Variants in CRYM observed in about 807,000 individuals in gnomAD.
CRYM encodes the protein crystallin mu.
A neutral mutation model predicts 32.9 loss-of-function variants in CRYM; 18 were observed. The observed-to-expected ratio is 0.55, with a 90% CI of 0.38 to 0.81. The LOEUF is 0.81. Among genes scored for constraint, CRYM ranks in the 30% least tolerant of loss-of-function variants. The probability of loss-of-function intolerance (pLI) is 0.00; values close to 1 mark genes in which losing one functional copy is unlikely to be tolerated. For synonymous variants in CRYM, 153 were observed against 152.4 expected (o/e 1.00, Z -0.03); for missense variants, 337 against 393.5 (o/e 0.86, Z 1.21).
At chr16:21,296,037 A>T (rs906220990) in intron 1 of CRYM, among the ~76,000 whole-genome samples, 3 of 152,246 alleles carry the variant, frequency 2.0e-5, no homozygotes, top group African/African-American at 4.8e-5. Flanking sequence ...AACAAATTAA[A>T]AGATTATAAT....
upstream of CRYM, chr16:21,278,551 T>G: frequency 6.4e-5 from 31 of 484,800 alleles, no homozygotes; most frequent in Middle Eastern, 5.8e-4. Flanking sequence ...TAATCAGCTG[T>G]AGCCACATTC....
At chr16:21,276,415 G>A (rs964066458) in intron 2 of CRYM, among the ~76,000 whole-genome samples, 18 of 152,270 alleles carry the variant, frequency 1.2e-4, no homozygotes, top group South Asian at 6.2e-4. Flanking sequence ...AGTGTTAAAC[G>A]GCCAGATTAT....
chr16:21,292,308 G>A (rs541506882), intron 1 of CRYM, among the ~76,000 whole-genome samples: 1 of 152,180 alleles, frequency 6.6e-6, no homozygotes, highest in East Asian at 1.9e-4. Context: ...TCATTTTCAA[G>A]GCAATACCAT....
chr16:21,302,665 G>C (rs1481526821), intron 1 of CRYM, among the ~76,000 whole-genome samples: 1 of 152,168 alleles, frequency 6.6e-6, no homozygotes, highest in Non-Finnish European at 1.5e-5. Flanking sequence ...GATTAGGCCA[G>C]CTGTGTTTGC....
At chr16:21,261,940 C>G in intron 6 of CRYM, 97 bp downstream of exon 6, 3 of 1,531,270 alleles carry the variant, frequency 2.0e-6, no homozygotes, top group East Asian at 2.3e-5. Flanking sequence ...TGGCTGAGGT[C>G]TGGAGCAGAC....
chr16:21,266,434 G>C (rs2093363843), intron 5 of CRYM, among the ~76,000 whole-genome samples: 1 of 152,204 alleles, frequency 6.6e-6, no homozygotes, highest in Admixed American at 6.5e-5. Context: ...ACCTGCAGTA[G>C]TATTAGATGT....
intron 1 of CRYM, among the ~76,000 whole-genome samples, chr16:21,288,648 A>C (rs2093411253): frequency 6.6e-6 from 1 of 152,014 alleles, no homozygotes; most frequent in Non-Finnish European, 1.5e-5. Context: ...CCTGCCTTCC[A>C]CCGGCTTTGG....
At chr16:21,296,388 A>G (rs939746630) in intron 1 of CRYM, among the ~76,000 whole-genome samples, 6 of 152,230 alleles carry the variant, frequency 3.9e-5, no homozygotes, top group African/African-American at 1.4e-4. Context: ...AAATAAGGCA[A>G]TATCAATTCA....
rs2093389656 is a variant in CRYM, at chr16:21,277,638, T to G, written c.171-54A>C. ...CCCTTCCCATCAATGCTGGGGTCTCTTAGAAAGTATCCATATACTTTCCTT... is the reference window on the plus strand; with the variant it reads ...CCCTTCCCATCAATGCTGGGGTCTCGTAGAAAGTATCCATATACTTTCCTT... On this transcript the variant is annotated intron_variant, in intron 1 of 7. Transcript: ENST00000572914. This position sits in a 1 kb window ranked among gnomAD's most constrained non-coding sequence, Gnocchi z 4.2. 6.3e-7 allele frequency: 1 copy of G among 1,599,454 alleles called. No homozygotes were observed. The highest frequency in any genetic ancestry group is 8.5e-7 in the Non-Finnish European group (1 of 1,171,184).
chr16:21,271,312 T>C (rs1473998781), intron 3 of CRYM, among the ~76,000 whole-genome samples: 1 of 152,186 alleles, frequency 6.6e-6, no homozygotes, highest in Non-Finnish European at 1.5e-5. Context: ...AGGAAAGACA[T>C]CACTTGGCCC....
At chr16:21,261,192 C>T (rs879100216) in intron 7 of CRYM, 62 bp downstream of exon 7, 26 of 1,279,246 alleles carry the variant, frequency 2.0e-5, no homozygotes, top group Middle Eastern at 4.4e-4. Context: ...GCTCTTTCCA[C>T]CAATGGGTGA....
At position 21,294,055 on chromosome 16, in the gene CRYM, C is replaced by A. The variant is rs936849478; in HGVS notation, c.-193+8923G>T. On this transcript the variant is annotated intron_variant, in intron 1 of 9. Transcript: ENST00000219599. ...AATACGCATAACTTCTCATTACCAT[C>A]TCACAAAAGCTTCAAAAATTAGCAG... 4.6e-5 allele frequency among the ~76,000 whole-genome samples: 7 copies of A among 152,338 alleles called. No individual in the cohort carries two copies. The South Asian group carries it at 1.5e-3, about 32-fold the overall frequency.
chr16:21,296,763 C>A (rs1429714148), intron 1 of CRYM, among the ~76,000 whole-genome samples: 1 of 152,210 alleles, frequency 6.6e-6, no homozygotes, highest in Non-Finnish European at 1.5e-5. Flanking sequence ...GTAATCCCAG[C>A]ACTTTGGGAG....
chr16:21,280,657 C>A (rs1011040508), upstream of CRYM, among the ~76,000 whole-genome samples: 3 of 152,142 alleles, frequency 2.0e-5, no homozygotes, highest in Admixed American at 1.3e-4. Flanking sequence ...TAAGGCCATG[C>A]CAGGAAGGGT....
chr16:21,284,288 G>A (rs2093403785), intron 1 of CRYM, among the ~76,000 whole-genome samples: 1 of 151,970 alleles, frequency 6.6e-6, no homozygotes, highest in South Asian at 2.1e-4. Flanking sequence ...CACTTCATCG[G>A]GCTTTTCTTT....
chr16:21,302,400 T>G (rs1312558606), intron 1 of CRYM, among the ~76,000 whole-genome samples: 1 of 152,172 alleles, frequency 6.6e-6, no homozygotes, highest in Non-Finnish European at 1.5e-5. Context: ...GGAAGTTCAG[T>G]GATTATAGGT....
At position 21,286,401 on chromosome 16, in the gene CRYM, T is replaced by C. The variant is rs530315252; in HGVS notation, c.-192-7441A>G. On this transcript the variant is annotated intron_variant, in intron 1 of 9. Coordinates refer to the CRYM transcript ENST00000219599. ...CCCAGCTAATTTTTTTTTTTTTTTT[T>C]TGTATTTTTAGTAGAGGATTTTGCC... is the stretch of plus-strand genomic sequence containing the variant. Among the ~76,000 whole-genome samples the C allele has an allele frequency of 2.9e-4, 44 of 151,420 alleles. 1 individual carries two copies. The East Asian group carries it at 3.5e-3, about 12-fold the overall frequency.
chr16:21,270,575 C>T (rs2093373400), intron 3 of CRYM, among the ~76,000 whole-genome samples: 1 of 152,190 alleles, frequency 6.6e-6, no homozygotes, highest in African/African-American at 2.4e-5. Flanking sequence ...TGAGCCACCG[C>T]ACCTAGCCAG....
rs78761312 is a variant in CRYM at position 21,267,452 on chromosome 16, A to C, written c.673+102T>G. 2,294 of 1,236,686 alleles carry C rather than the reference A, an allele frequency of 1.9e-3. 36 individuals are homozygous for C. The African/African-American group carries it at 0.03, about 16-fold the overall frequency. The allele number at this position is 1,236,686 out of a possible 1,614,324, so 76.6% of individuals were successfully genotyped here. A position where few individuals can be genotyped will look rare whatever the true frequency, so the allele number is the denominator to read the frequency against. ...TTCAAGGCCCTTAAATAGCTTGGGC[A>C]TTCTGCATGAATAAACTGGCTCTGC... On this transcript the variant is annotated intron_variant, in intron 5 of 7. Coordinates refer to ENST00000572914, the MANE Select transcript of CRYM (RefSeq NM_001376256.1).
Sources: allele counts gnomAD v4.1 joint callset (sites outside exome capture counted in the v4.1 genomes callset), GRCh38; gene constraint gnomAD v4.1.1; non-coding constraint Gnocchi (gnomAD v3.1); transcripts MANE v1.5; gene names NCBI Gene and HGNC (gene_info 2026-07-23, HGNC 2026-07-21).